Variants in FFAR2 observed in about 807,000 individuals in gnomAD.
FFAR2 encodes free fatty acid receptor 2.
For synonymous variants in FFAR2, 193 were observed against 189.9 expected, an observed-to-expected ratio of 1.02 and a Z score of -0.13; for missense variants, 421 against 428.9, an observed-to-expected ratio of 0.98 and a Z score of 0.16.
intron 1 of FFAR2, among the ~76,000 whole-genome samples, chr19:35,448,794 CCTTTT>C (rs2067361421): frequency 6.8e-6 from 1 of 146,638 alleles, no homozygotes; most frequent in African/African-American, 2.6e-5. Flanking sequence ...CCCAGCTTCC[CCTTTT>C]CTTTTCTTTT....
rs867373981 is a variant in FFAR2, at chr19:35,450,198, A to G, written c.484A>G (p.Ile162Val). The G allele has an allele frequency of 1.7e-5, 27 of 1,614,152 alleles. 1 individual carries two copies. In the South Asian group the frequency reaches 2.3e-4, roughly 14 times the overall value. The change falls in exon 2 of 2, where the codon ATT (isoleucine) becomes GTT (valine). Residue 162 changes from isoleucine to valine, a missense_variant. Ile to Val is a conservative substitution (Grantham distance 29, BLOSUM62 3). Transcript: ENST00000599180. ...TGAGCAGGTCAGAAGTGGCAATGAA[A>G]TTACCTGCTACGAGAACTTCACCGA... is the stretch of plus-strand genomic sequence containing the variant. Reference protein sequence around the residue: ...TTEQVRSGNEITCYENFTDNQ... With the variant: ...TTEQVRSGNEVTCYENFTDNQ...
intron 1 of FFAR2, among the ~76,000 whole-genome samples, chr19:35,449,229 T>C (rs2067364197): frequency 6.6e-6 from 1 of 152,216 alleles, no homozygotes; most frequent in Non-Finnish European, 1.5e-5. Context: ...GGCTGGGCAC[T>C]TGGGTCCTTT....
rs929681308 is a variant in FFAR2, at chr19:35,450,170, G to A, written c.456G>A (p.Thr152=). ...TIVIIVQYLN[T]TEQVRSGNEI... ...TGATCATCGTTCAATACTTGAACAC[G>A]ACTGAGCAGGTCAGAAGTGGCAATG... Residue 152 remains threonine, a synonymous_variant, in exon 2 of 2, where the codon ACG becomes ACA. Coordinates refer to ENST00000599180, the MANE Select transcript of FFAR2 (RefSeq NM_001370087.1). 1.6e-5 allele frequency: 26 copies of A among 1,614,040 alleles called. No homozygotes were observed. The highest frequency in any genetic ancestry group is 1.6e-4 in the Middle Eastern group (1 of 6,084).
chr19:35,451,076 T>G lies in FFAR2; in HGVS notation c.*369T>G. The stretch of plus-strand genomic sequence containing the variant: ...GTCTCTACTAAAAATACAAAAAAAT[T>G]AGCTGGGCATGGTGGCACATGCCTA... On this transcript the variant is annotated 3_prime_UTR_variant, in exon 2 of 2. Transcript: ENST00000599180. The G allele has an allele frequency of 5.2e-6, 1 of 192,394 alleles. No individual in the cohort carries two copies. Among genetic ancestry groups the G allele is most frequent in the Non-Finnish European group, 1.1e-5 (1 of 90,956 alleles). 11.9% of individuals were successfully genotyped at this position (192,394 alleles called of 1,614,324 possible).
intron 1 of FFAR2, among the ~76,000 whole-genome samples, chr19:35,448,746 T>G (rs894583397): frequency 2.6e-5 from 4 of 152,082 alleles, no homozygotes; most frequent in African/African-American, 9.7e-5. Flanking sequence ...AGGCTAGTGC[T>G]GGTTCATCCT....
chr19:35,449,050 C>A (rs148295911), intron 1 of FFAR2, among the ~76,000 whole-genome samples: 301 of 151,828 alleles, frequency 2.0e-3, no homozygotes, highest in African/African-American at 7.1e-3. Flanking sequence ...GTGATCTGCC[C>A]GCCTCGGCCT....
rs552546966 is a variant in FFAR2 at position 35,449,757 on chromosome 19, A to C, written c.43A>C (p.Ile15Leu). The change falls in exon 2 of 2, where the codon ATC becomes CTC. Residue 15 changes from isoleucine (I) to leucine (L), a missense_variant. Ile to Leu is a conservative substitution (Grantham distance 5). Coordinates refer to ENST00000599180, the MANE Select transcript of FFAR2 (RefSeq NM_001370087.1). Reference sequence around the variant, plus strand: ...GAGCTCCTTGATCCTCATGGCTTACATCATCATCTTCCTCACTGGCCTCCC... The same window carrying C: ...GAGCTCCTTGATCCTCATGGCTTACCTCATCATCTTCCTCACTGGCCTCCC... ...WKSSLILMAYIIIFLTGLPAN... is the reference protein window; with the variant it reads ...WKSSLILMAYLIIFLTGLPAN... 7.9e-5 allele frequency: 125 copies of C among 1,590,174 alleles called. 2 individuals are homozygous for C. In the South Asian group the frequency reaches 1.3e-3, roughly 17 times the overall value.
chr19:35,449,615 G>T, intron 1 of FFAR2, 99 bp from the exon 2 acceptor site: 1 of 1,296,262 alleles, frequency 7.7e-7, no homozygotes, highest in Non-Finnish European at 1.1e-6. Flanking sequence ...CCTGGGAAGG[G>T]GACGGTGCCG....
chr19:35,449,670 T>A, intron 1 of FFAR2, 44 bp from the exon 2 acceptor site: 1 of 1,520,316 alleles, frequency 6.6e-7, no homozygotes, highest in Non-Finnish European at 8.8e-7. Context: ...GCGCGGGCTG[T>A]GAGTGAGACC....
At chr19:35,448,844 C>T (rs986311030) in intron 1 of FFAR2, among the ~76,000 whole-genome samples, 4 of 150,730 alleles carry the variant, frequency 2.7e-5, no homozygotes, top group Middle Eastern at 3.4e-3. Context: ...GCTCTTACCG[C>T]CCAGGGTGGA....
Position 35,450,407 on chromosome 19 carries a change from C to G in FFAR2, c.693C>G (p.Phe231Leu). The G allele has an allele frequency of 6.2e-7, 1 of 1,614,244 alleles. No homozygotes were observed. Among genetic ancestry groups the G allele is most frequent in the Non-Finnish European group, 8.5e-7 (1 of 1,180,042 alleles). Residue 231 changes from phenylalanine (F) to leucine (L), a missense_variant, in exon 2 of 2, where the codon TTC becomes TTG. Phe to Leu is a conservative substitution (Grantham distance 22, BLOSUM62 0). Transcript: ENST00000599180. ...VGLAVVTLLN[F>L]LVCFGPYNVS... ...TGGCTGTGGTGACGCTGCTCAATTT[C>G]CTGGTGTGCTTCGGACCTTACAACG...
rs753000078 is a variant in FFAR2 at position 35,449,691 on chromosome 19, C to T, written c.-1-23C>T. 5 of 1,529,272 alleles carry T rather than the reference C, an allele frequency of 3.3e-6. No individual in the cohort carries two copies. In the Admixed American group the frequency reaches 6.5e-5, roughly 20 times the overall value. 94.7% of individuals were successfully genotyped at this position (1,529,272 alleles called of 1,614,324 possible). ...GCTGTGAGTGAGACCTCCCTGACCC[C>T]GCCCTTTTTTGTTCCCCTCCAGGAT... On this transcript the variant is annotated intron_variant, in intron 1 of 1. Transcript: ENST00000599180.
rs368220138 is a variant in FFAR2 at position 35,449,803 on chromosome 19, G to A, written c.89G>A (p.Arg30Gln). ...CTCCCTGCCAACCTCCTGGCCCTGC[G>A]GGCCTTTGTGGGGCGGATCCGCCAG... The part of the protein sequence containing the change: ...TGLPANLLAL[R>Q]AFVGRIRQPQ... Residue 30 changes from arginine to glutamine, a missense_variant, in exon 2 of 2, where the codon CGG becomes CAG. By Grantham distance (43) the Arg-to-Gln change is conservative. Transcript: ENST00000599180. 17 of 1,612,980 alleles carry A rather than the reference G, an allele frequency of 1.1e-5. No individual in the cohort carries two copies. The highest frequency in any genetic ancestry group is 1.6e-4 in the Middle Eastern group (1 of 6,076).
chr19:35,450,812 C>G lies in FFAR2; in HGVS notation c.*105C>G. ...CATCCAGATTCAGAAATCCTTAGAC[C>G]CAGCCCAGGACTGCGACTTTGAAAA... On this transcript the variant is annotated 3_prime_UTR_variant, in exon 2 of 2. Coordinates refer to ENST00000599180, the MANE Select transcript of FFAR2 (RefSeq NM_001370087.1). 23 of 1,263,918 alleles carry G rather than the reference C, an allele frequency of 1.8e-5. No homozygotes were observed. The highest frequency in any genetic ancestry group is 2.5e-5 in the Non-Finnish European group (23 of 922,678). 78.3% of individuals were successfully genotyped at this position (1,263,918 alleles called of 1,614,324 possible).
chr19:35,450,212 G>A lies in FFAR2; in HGVS notation c.498G>A (p.Glu166=). ...VRSGNEITCY[E]NFTDNQLDVV... is the part of the protein sequence containing the mutation. ...GTGGCAATGAAATTACCTGCTACGAGAACTTCACCGATAACCAGTTGGACG... is the reference window on the plus strand; with the variant it reads ...GTGGCAATGAAATTACCTGCTACGAAAACTTCACCGATAACCAGTTGGACG... The change falls in exon 2 of 2, where the codon GAG becomes GAA. Residue 166 remains glutamate, a synonymous_variant. Coordinates refer to ENST00000599180, the MANE Select transcript of FFAR2 (RefSeq NM_001370087.1). 1 of 1,614,172 alleles carries A rather than the reference G, an allele frequency of 6.2e-7. No individual in the cohort carries two copies. The highest frequency in any genetic ancestry group is 8.5e-7 in the Non-Finnish European group (1 of 1,180,040).
chr19:35,449,573 G>C, intron 1 of FFAR2, 141 bp from the exon 2 acceptor site: 1 of 822,332 alleles, frequency 1.2e-6, no homozygotes, highest in East Asian at 2.7e-5. Flanking sequence ...CAGGTGGTGT[G>C]AGCAAGCCGT....
chr19:35,449,942 CCTGCCCAAGGTCGT>C lies in FFAR2; in HGVS notation c.233_246del (p.Pro78ArgfsTer72), dbSNP rs753777712. ...AGGCTGCGTCGAACTTCCGCTGGTA[CCTGCCCAAGGTCGT>C]CTGCGCCCTCACGAGTTTTGGCTTC... On this transcript the variant is annotated frameshift_variant, in exon 2 of 2. Coordinates refer to ENST00000599180, the MANE Select transcript of FFAR2 (RefSeq NM_001370087.1). LOFTEE classifies it low-confidence loss of function (END_TRUNC). 1.1e-5 allele frequency: 18 copies of C among 1,613,684 alleles called. No individual in the cohort carries two copies. The highest frequency in any genetic ancestry group is 5.0e-5 in the Admixed American group (3 of 60,004).
In FFAR2 at chr19:35,450,669, G is replaced by A. The variant is rs772587959; in HGVS notation, c.955G>A (p.Gly319Arg). 6.2e-7 allele frequency: 1 copy of A among 1,614,082 alleles called. No individual in the cohort carries two copies. The highest frequency in any genetic ancestry group is 1.7e-4 in the Middle Eastern group (1 of 6,060). The change falls in exon 2 of 2, where the codon GGA becomes AGA. Residue 319 changes from glycine (G) to arginine (R), a missense_variant. Gly to Arg is a moderately radical substitution (Grantham distance 125). Transcript: ENST00000599180. ...GTNEDRGVGQ[G>R]EGMPSSDFTT... Reference sequence around the variant, plus strand: ...AAATGAGGACAGGGGTGTGGGTCAAGGAGAAGGGATGCCAAGTTCGGACTT... The same window carrying A: ...AAATGAGGACAGGGGTGTGGGTCAAAGAGAAGGGATGCCAAGTTCGGACTT...
rs1212744030 is a variant in FFAR2, at chr19:35,450,428, C to A, written c.714C>A (p.Tyr238Ter). The A allele has an allele frequency of 1.9e-6, 3 of 1,614,262 alleles. No individual in the cohort carries two copies. The East Asian group carries it at 6.7e-5, about 36-fold the overall frequency. The change falls in exon 2 of 2, where the codon TAC becomes TAA. Residue 238 changes from tyrosine to a stop codon, truncating the protein, a stop_gained. Transcript: ENST00000599180. LOFTEE classifies it low-confidence loss of function (END_TRUNC). The stretch of plus-strand genomic sequence containing the variant: ...ATTTCCTGGTGTGCTTCGGACCTTA[C>A]AACGTGTCCCACCTGGTGGGGTATC... ...LLNFLVCFGP[Y>*]NVSHLVGYHQ...
Sources: gnomAD v4.1 joint callset for allele counts (sites outside exome capture counted in the v4.1 genomes callset) on GRCh38, gnomAD v4.1.1 for gene constraint, MANE v1.5 for transcripts, NCBI Gene and HGNC (gene_info 2026-07-23, HGNC 2026-07-21) for gene names.